Variants in CLEC9A observed in about 807,000 individuals in gnomAD.
The protein encoded by CLEC9A is C-type lectin domain family 9 member A.
CLEC9A carries 24 observed loss-of-function variants against 30.0 expected under a neutral mutation model. The ratio of observed to expected loss-of-function variants is 0.80; its 90% CI spans 0.58 to 1.13. The LOEUF is 1.13. CLEC9A is among the 50% of genes most tolerant of loss of function. The probability of loss-of-function intolerance (pLI) is 0.00; values close to 1 mark genes in which losing one functional copy is unlikely to be tolerated. For missense variants in CLEC9A, 251 were observed against 280.9 expected, an observed-to-expected ratio of 0.89 and a Z score of 0.76; for synonymous variants, 111 against 96.8, an observed-to-expected ratio of 1.15 and a Z score of -0.86.
Position 10,052,660 on chromosome 12 carries a change from A to G in CLEC9A, c.-28A>G. 12 of 1,612,030 alleles carry G rather than the reference A, an allele frequency of 7.4e-6. No homozygotes were observed. The highest frequency in any genetic ancestry group is 8.5e-6 in the Non-Finnish European group (10 of 1,179,014). On this transcript the variant is annotated 5_prime_UTR_variant, in exon 4 of 9. Coordinates refer to ENST00000355819, the MANE Select transcript of CLEC9A (RefSeq NM_207345.4). Reference sequence around the variant, plus strand: ...TTACTTGTTCCAGCCTCCTGTGTGGACTGCTTTCCTATCAAAGCACCTTAG... The same window carrying G: ...TTACTTGTTCCAGCCTCCTGTGTGGGCTGCTTTCCTATCAAAGCACCTTAG...
chr12:10,040,275 T>TG (rs1320566052), intron 1 of CLEC9A, among the ~76,000 whole-genome samples: 2 of 152,220 alleles, frequency 1.3e-5, no homozygotes, highest in African/African-American at 4.8e-5. Flanking sequence ...ACAACCACTT[T>TG]GGGCATGTTA....
chr12:10,065,727 A>T lies in CLEC9A; in HGVS notation c.*95A>T. ...CCCCCCTCAAAAAAACAGAACAGTAAACCAAAATGTGGGCCATGAAATTAG... is the reference window on the plus strand; with the variant it reads ...CCCCCCTCAAAAAAACAGAACAGTATACCAAAATGTGGGCCATGAAATTAG... On this transcript the variant is annotated 3_prime_UTR_variant, in exon 9 of 9. Coordinates refer to ENST00000355819, the MANE Select transcript of CLEC9A (RefSeq NM_207345.4). 15 of 1,443,824 alleles carry T rather than the reference A, an allele frequency of 1.0e-5. No homozygotes were observed. Among genetic ancestry groups the T allele is most frequent in the Non-Finnish European group, 1.4e-5 (15 of 1,059,082 alleles). The allele number at this position is 1,443,824 out of a possible 1,614,324, so 89.4% of individuals were successfully genotyped here.
chr12:10,037,424 C>T (rs950873125), intron 1 of CLEC9A, among the ~76,000 whole-genome samples: 5 of 152,158 alleles, frequency 3.3e-5, no homozygotes. Flanking sequence ...CTCCGTGTCT[C>T]AGGTGGCCAG....
chr12:10,032,987 C>T (rs556551676), intron 1 of CLEC9A, among the ~76,000 whole-genome samples: 2 of 152,128 alleles, frequency 1.3e-5, no homozygotes, highest in East Asian at 3.9e-4. Flanking sequence ...TTTTCCTTCA[C>T]TATTTCTATG....
At chr12:10,052,940 CG>C (rs1272419615) in intron 4 of CLEC9A, 162 bp downstream of exon 4, 4 of 733,848 alleles carry the variant, frequency 5.5e-6, no homozygotes, top group Non-Finnish European at 8.1e-6. Context: ...GATTAAGTAA[CG>C]GTGAAAAATA....
chr12:10,047,470 C>T (rs1865856682), intron 2 of CLEC9A, among the ~76,000 whole-genome samples: 2 of 152,132 alleles, frequency 1.3e-5, no homozygotes, highest in African/African-American at 4.8e-5. Flanking sequence ...ATCAAAATAA[C>T]ACAAATGTTA....
chr12:10,048,271 G>C (rs1275415649), intron 2 of CLEC9A, among the ~76,000 whole-genome samples: 1 of 151,696 alleles, frequency 6.6e-6, no homozygotes, highest in Admixed American at 6.6e-5. Context: ...GGGCGTGGTG[G>C]TGCACGCATG....
intron 6 of CLEC9A, among the ~76,000 whole-genome samples, chr12:10,062,715 A>T (rs913166278): frequency 7.9e-5 from 12 of 152,236 alleles, no homozygotes; most frequent in Non-Finnish European, 1.8e-4. Context: ...ACATGAAACA[A>T]TAAGCAAACA....
At chr12:10,048,710 T>G (rs1865868886) in intron 2 of CLEC9A, among the ~76,000 whole-genome samples, 1 of 152,208 alleles carries the variant, frequency 6.6e-6, no homozygotes, top group Admixed American at 6.5e-5. Context: ...ATCTTCAGCC[T>G]CCACTTCCAA....
chr12:10,049,811 T>C (rs560328753), intron 2 of CLEC9A, among the ~76,000 whole-genome samples: 1 of 152,358 alleles, frequency 6.6e-6, no homozygotes, highest in South Asian at 2.1e-4. Context: ...GCTTTCTTAT[T>C]ACTTGTATGT....
chr12:10,054,411 T>C (rs1865922282), intron 5 of CLEC9A, 60 bp downstream of exon 5: 2 of 1,082,540 alleles, frequency 1.8e-6, no homozygotes, highest in Non-Finnish European at 1.4e-6. Context: ...CTTCATAATT[T>C]ATAAATGGAT....
intron 7 of CLEC9A, among the ~76,000 whole-genome samples, chr12:10,064,044 C>A (rs1257899521): frequency 2.0e-5 from 3 of 151,950 alleles, no homozygotes; most frequent in African/African-American, 7.3e-5. Context: ...AACAAGTGAA[C>A]AATAAGATGT....
intron 2 of CLEC9A, among the ~76,000 whole-genome samples, chr12:10,049,887 G>C (rs894968640): frequency 6.6e-6 from 1 of 152,144 alleles, no homozygotes; most frequent in African/African-American, 2.4e-5. Flanking sequence ...TTGGCTAGCT[G>C]TTTTACATAA....
intron 1 of CLEC9A, 46 bp downstream of exon 1, chr12:10,031,018 ATGC>A (rs1295554672): frequency 2.6e-5 from 4 of 152,228 alleles, no homozygotes; most frequent in African/African-American, 9.7e-5. Flanking sequence ...ATTACAGATG[ATGC>A]TGACAGAGAA....
chr12:10,031,434 C>T (rs1179315841), intron 1 of CLEC9A, among the ~76,000 whole-genome samples: 1 of 152,202 alleles, frequency 6.6e-6, no homozygotes, highest in Non-Finnish European at 1.5e-5. Context: ...CTGGTTATTT[C>T]TTACTCCTCT....
intron 2 of CLEC9A, among the ~76,000 whole-genome samples, chr12:10,043,744 CG>C (rs1282582165): frequency 1.3e-5 from 2 of 151,676 alleles, no homozygotes; most frequent in Non-Finnish European, 2.9e-5. Flanking sequence ...TGCAGTGGTG[CG>C]ATCTTGGCTC....
intron 1 of CLEC9A, among the ~76,000 whole-genome samples, chr12:10,032,502 C>G (rs745625595): frequency 6.7e-6 from 1 of 149,370 alleles, no homozygotes; most frequent in Non-Finnish European, 1.5e-5. Flanking sequence ...GCCATTCTTC[C>G]GCCTCAGCCT....
chr12:10,062,935 T>A (rs2137315338), intron 6 of CLEC9A, 120 bp from the exon 7 acceptor site: 1 of 737,616 alleles, frequency 1.4e-6, no homozygotes, highest in East Asian at 3.0e-5. Flanking sequence ...TGCTACATCA[T>A]GTGGACCATT....
At chr12:10,037,470 T>TGACTATGAAGAGGCCACC (rs148030309) in intron 1 of CLEC9A, among the ~76,000 whole-genome samples, 1 of 152,084 alleles carries the variant, frequency 6.6e-6, no homozygotes, top group African/African-American at 2.4e-5. Flanking sequence ...AGGAGGGCAC[T>TGACTATGAAGAGGCCACC]GACTATGAAG....
Sources: allele counts gnomAD v4.1 joint callset (sites outside exome capture counted in the v4.1 genomes callset), GRCh38; gene constraint gnomAD v4.1.1; transcripts MANE v1.5; gene names NCBI Gene and HGNC (gene_info 2026-07-23, HGNC 2026-07-21).